The following ROBO1 variants were observed in gnomAD, a reference collection of about 807,000 sequenced individuals.
The protein encoded by ROBO1 is roundabout guidance receptor 1.
Under a neutral mutation model 195.9 loss-of-function variants are expected in ROBO1, and 149 were observed. That is an observed-to-expected ratio of 0.76 (90% CI 0.67 to 0.87). ROBO1 has a LOEUF of 0.87. Among genes scored for constraint, ROBO1 ranks in the 40% least tolerant of loss-of-function variants. The probability of loss-of-function intolerance (pLI) is 0.00; values close to 1 mark genes in which losing one functional copy is unlikely to be tolerated. For missense variants in ROBO1, 1,933 were observed against 2,068.3 expected (o/e 0.93, Z 1.27); for synonymous variants, 816 against 733.2 (o/e 1.11, Z -1.82).
intron 2 of ROBO1, among the ~76,000 whole-genome samples, chr3:79,292,473 T>C (rs1431583049): frequency 6.6e-6 from 1 of 152,216 alleles, no homozygotes; most frequent in Non-Finnish European, 1.5e-5. Context: ...AAGGGAATGC[T>C]TCCAGCTTTT....
intron 3 of ROBO1, among the ~76,000 whole-genome samples, chr3:79,009,619 G>A (rs1360719500): frequency 2.6e-5 from 4 of 152,160 alleles, no homozygotes; most frequent in African/African-American, 7.2e-5. Flanking sequence ...TTACAGTGCT[G>A]TTTTTGATAG....
intron 4 of ROBO1, among the ~76,000 whole-genome samples, chr3:78,846,044 T>TG (rs926542417): frequency 1.7e-4 from 25 of 149,728 alleles, no homozygotes; most frequent in Admixed American, 1.5e-3. Context: ...GCCCCAAAGA[T>TG]TTTTTTTTTC....
At chr3:78,675,281 G>C (rs1170820316) in intron 10 of ROBO1, among the ~76,000 whole-genome samples, 1 of 152,124 alleles carries the variant, frequency 6.6e-6, no homozygotes, top group Non-Finnish European at 1.5e-5. Context: ...TGAGGTACCG[G>C]GTTCATCTCA....
intron 4 of ROBO1, among the ~76,000 whole-genome samples, chr3:78,769,429 C>A (rs2083310664): frequency 6.6e-6 from 1 of 152,028 alleles, no homozygotes; most frequent in Non-Finnish European, 1.5e-5. Flanking sequence ...TTTTTCCACC[C>A]TTTAAGTTTG....
At chr3:79,542,135 C>A in intron 2 of ROBO1, among the ~76,000 whole-genome samples, 1 of 151,864 alleles carries the variant, frequency 6.6e-6, no homozygotes, top group Middle Eastern at 3.2e-3. Context: ...TGGGGCAAAC[C>A]TGAAAATATA....
At chr3:78,808,203 T>C (rs2084610066) in intron 4 of ROBO1, among the ~76,000 whole-genome samples, 1 of 152,134 alleles carries the variant, frequency 6.6e-6, no homozygotes. Context: ...GAGAATTATT[T>C]TATTTTATTT....
At chr3:79,665,645 C>A (rs73124756) in intron 1 of ROBO1, among the ~76,000 whole-genome samples, 27,528 of 151,616 alleles carry the variant, frequency 0.18, 3,081 homozygotes, top group East Asian at 0.27. Context: ...GAGATCACCA[C>A]CTAAAAATTT....
chr3:79,119,001 C>G (rs1189805828), intron 3 of ROBO1, among the ~76,000 whole-genome samples: 2 of 152,188 alleles, frequency 1.3e-5, no homozygotes, highest in Middle Eastern at 3.4e-3. Flanking sequence ...TCCTTCCCCA[C>G]TATAAAAACT....
chr3:79,625,548 T>C (rs1560049580), intron 1 of ROBO1, among the ~76,000 whole-genome samples: 1 of 148,606 alleles, frequency 6.7e-6, no homozygotes, highest in Non-Finnish European at 1.5e-5. Context: ...CACACAGTAA[T>C]ACAAACTACT....
At chr3:79,659,047 T>C (rs1946252357) in intron 1 of ROBO1, among the ~76,000 whole-genome samples, 1 of 152,040 alleles carries the variant, frequency 6.6e-6, no homozygotes, top group African/African-American at 2.4e-5. Flanking sequence ...CTAAACCTAA[T>C]TTTTAACATG....
chr3:78,887,943 CA>C (rs953769638), intron 4 of ROBO1, among the ~76,000 whole-genome samples: 2 of 149,648 alleles, frequency 1.3e-5, no homozygotes, highest in Non-Finnish European at 3.0e-5. Flanking sequence ...AACACACCCT[CA>C]AAAAAAAAGA....
intron 4 of ROBO1, among the ~76,000 whole-genome samples, chr3:78,791,826 G>C (rs2084031457): frequency 6.6e-6 from 1 of 152,190 alleles, no homozygotes; most frequent in Non-Finnish European, 1.5e-5. Flanking sequence ...GTGTAATTAT[G>C]ATAATCATCG....
intron 2 of ROBO1, among the ~76,000 whole-genome samples, chr3:79,398,578 A>C (rs2037239130): frequency 6.6e-6 from 1 of 152,136 alleles, no homozygotes; most frequent in South Asian, 2.1e-4. Context: ...AAAAACTGGA[A>C]TTAGCTTCTA....
intron 4 of ROBO1, among the ~76,000 whole-genome samples, chr3:78,874,164 G>A (rs2035707153): frequency 1.3e-5 from 2 of 151,846 alleles, no homozygotes; most frequent in Admixed American, 6.6e-5. Flanking sequence ...GTATCAAATT[G>A]CAGCACTTCT....
chr3:79,010,236 TA>T (rs1286403511), intron 3 of ROBO1, among the ~76,000 whole-genome samples: 3 of 152,152 alleles, frequency 2.0e-5, no homozygotes, highest in African/African-American at 7.2e-5. Context: ...TTTAAGGGAA[TA>T]GTATAGTGTG....
intron 4 of ROBO1, among the ~76,000 whole-genome samples, chr3:78,864,644 A>C (rs181507578): frequency 7.9e-5 from 12 of 152,148 alleles, no homozygotes; most frequent in Non-Finnish European, 1.2e-4. Context: ...TTAGTATCTA[A>C]TGGTAATATC....
chr3:79,078,189 C>T lies in ROBO1; in HGVS notation c.172+47267G>A, dbSNP rs191938053. On this transcript the variant is annotated intron_variant, in intron 3 of 30. Coordinates refer to ENST00000464233, the MANE Select transcript of ROBO1 (RefSeq NM_002941.4). ...GTATTATACACTTGTGATAGAGCAA[C>T]ATATTTTATCTAAACATATTAACTC... 1.1e-4 allele frequency among the ~76,000 whole-genome samples: 16 copies of T among 151,932 alleles called. 1 individual carries two copies. The East Asian group carries it at 2.7e-3, about 26-fold the overall frequency.
At chr3:79,244,785 C>G (rs1001312521) in intron 2 of ROBO1, among the ~76,000 whole-genome samples, 14 of 152,012 alleles carry the variant, frequency 9.2e-5, no homozygotes, top group African/African-American at 3.1e-4. Context: ...ATTACATATC[C>G]ATAAATAGGC....
intron 3 of ROBO1, among the ~76,000 whole-genome samples, chr3:79,110,786 C>G (rs1334323495): frequency 6.6e-6 from 1 of 151,606 alleles, no homozygotes. Flanking sequence ...CCACACCTGG[C>G]TAATTTTAAA....
Sources: allele counts gnomAD v4.1 joint callset (sites outside exome capture counted in the v4.1 genomes callset), GRCh38; gene constraint gnomAD v4.1.1; transcripts MANE v1.5; gene names NCBI Gene and HGNC (gene_info 2026-07-23, HGNC 2026-07-21).